The following CDH23 variants were observed in gnomAD, a reference collection of about 807,000 sequenced individuals.
CDH23 encodes cadherin-23.
A neutral mutation model predicts 317.1 loss-of-function variants in CDH23; 189 were observed. The ratio of observed to expected loss-of-function variants is 0.60; its 90% CI spans 0.53 to 0.67. The LOEUF (loss-of-function observed/expected upper bound fraction) is 0.67. Ranked by LOEUF, CDH23 falls within the 30% of genes least tolerant of loss-of-function variation. The pLI is 0.00. For missense variants in CDH23, 4,401 were observed against 4,592.4 expected, an observed-to-expected ratio of 0.96 and a Z score of 1.20; for synonymous variants, 1,839 against 1,876.8, an observed-to-expected ratio of 0.98 and a Z score of 0.52.
At chr10:71,782,019 A>G (rs1363490399) in intron 41 of CDH23, among the ~76,000 whole-genome samples, 3 of 152,202 alleles carry the variant, frequency 2.0e-5, no homozygotes, top group Admixed American at 6.5e-5. Context: ...GCACCACTGC[A>G]TGGAGGGACG....
chr10:71,758,588 G>C (rs750353475), intron 38 of CDH23, among the ~76,000 whole-genome samples: 3 of 152,242 alleles, frequency 2.0e-5, no homozygotes, highest in Non-Finnish European at 4.4e-5. Flanking sequence ...AAGAAGGTGA[G>C]TATGCAGAGC....
At chr10:71,796,964 AC>A (rs1486772978) in intron 48 of CDH23, 139 bp from the exon 49 acceptor site, 18 of 619,496 alleles carry the variant, frequency 2.9e-5, no homozygotes, top group African/African-American at 2.7e-4. Context: ...CTGTGGGCCC[AC>A]CCCAGCCACA....
chr10:71,805,910 G>C lies in CDH23; in HGVS notation c.7977G>C (p.Arg2659=), dbSNP rs764799502. Residue 2659 remains arginine (R), a synonymous_variant, in exon 56 of 70, where the codon CGG becomes CGC. Coordinates refer to ENST00000224721, the MANE Select transcript of CDH23 (RefSeq NM_022124.6). ...RYSFLKTAGN[R]DWEFFIIDPI... is the part of the protein sequence containing the mutation. Reference sequence around the variant, plus strand: ...GCTTCCTGAAGACTGCGGGCAACCGGGACTGGGAGTTCTTCATCATCGACC... The same window carrying C: ...GCTTCCTGAAGACTGCGGGCAACCGCGACTGGGAGTTCTTCATCATCGACC... 6.2e-7 allele frequency: 1 copy of C among 1,613,586 alleles called. No homozygotes were observed. Among genetic ancestry groups the C allele is most frequent in the African/African-American group, 1.3e-5 (1 of 74,934 alleles).
At chr10:71,511,044 C>T (rs1853947812) in intron 5 of CDH23, 43 bp downstream of exon 5, 2 of 1,611,502 alleles carry the variant, frequency 1.2e-6, no homozygotes, top group Admixed American at 1.7e-5. Context: ...CCTGGGGTCA[C>T]AGGATTTCTG....
At chr10:71,631,477 A>G (rs1053426550) in intron 11 of CDH23, among the ~76,000 whole-genome samples, 1 of 152,226 alleles carries the variant, frequency 6.6e-6, no homozygotes, top group African/African-American at 2.4e-5. Context: ...TGGAGTGTGC[A>G]GGAACAGAGG....
chr10:71,404,694 C>A (rs868671376), intron 1 of CDH23, among the ~76,000 whole-genome samples: 11 of 152,332 alleles, frequency 7.2e-5, no homozygotes, highest in Middle Eastern at 3.4e-3. Context: ...TCTTTCAGAC[C>A]CCAGCAGCCC....
chr10:71,722,333 A>G (rs1866596273), intron 28 of CDH23, among the ~76,000 whole-genome samples: 1 of 152,232 alleles, frequency 6.6e-6, no homozygotes, highest in South Asian at 2.1e-4. Flanking sequence ...CAATACTGGG[A>G]TACCCTACAG....
rs761093079 is a variant in CDH23 at position 71,702,699 on chromosome 10, GTC to G, written c.2733+9_2733+10del. 1 of 1,613,542 alleles carries G rather than the reference GTC, an allele frequency of 6.2e-7. No individual in the cohort carries two copies. The highest frequency in any genetic ancestry group is 2.2e-5 in the East Asian group (1 of 44,872). On this transcript the variant is annotated splice_donor_region_variant and intron_variant, in intron 24 of 69. Transcript: ENST00000224721. ...GCGGGGGTCTCCATCTACCAAGTGAGTCTCTATCATCTCATTCCTACCAGCCC... is the reference window on the plus strand; with the variant it reads ...GCGGGGGTCTCCATCTACCAAGTGAGTCTATCATCTCATTCCTACCAGCCC...
At chr10:71,746,621 G>A (rs1373368382) in intron 38 of CDH23, among the ~76,000 whole-genome samples, 2 of 152,204 alleles carry the variant, frequency 1.3e-5, no homozygotes, top group Non-Finnish European at 2.9e-5. Context: ...GGAAGAGCTG[G>A]GCCCAGGGAG....
intron 3 of CDH23, among the ~76,000 whole-genome samples, chr10:71,509,705 T>C (rs1853844544): frequency 6.6e-6 from 1 of 152,236 alleles, no homozygotes; most frequent in South Asian, 2.1e-4. Context: ...CGCTGACTTA[T>C]ATGCTCATCT....
intron 3 of CDH23, among the ~76,000 whole-genome samples, chr10:71,482,544 T>A (rs533556223): frequency 6.6e-6 from 1 of 152,246 alleles, no homozygotes; most frequent in East Asian, 1.9e-4. Context: ...CCCATAGGAA[T>A]GGGAGAGGCT....
chr10:71,700,406 C>G (rs1236825184), intron 22 of CDH23, among the ~76,000 whole-genome samples: 1 of 152,162 alleles, frequency 6.6e-6, no homozygotes, highest in Non-Finnish European at 1.5e-5. Flanking sequence ...AAAATTCTCC[C>G]TTTTCAAACT....
In CDH23 at chr10:71,802,073, C is replaced by T. The variant is rs554642473; in HGVS notation, c.7483-825C>T. Reference sequence around the variant, plus strand: ...CTGTAATCCCAGCACTTTGGGAGGCCGAGGCGGGGGGATCACCTGAGGTTA... The same window carrying T: ...CTGTAATCCCAGCACTTTGGGAGGCTGAGGCGGGGGGATCACCTGAGGTTA... On this transcript the variant is annotated intron_variant, in intron 53 of 69. Transcript: ENST00000224721. 5.9e-5 allele frequency among the ~76,000 whole-genome samples: 9 copies of T among 152,200 alleles called. No homozygotes were observed. In the South Asian group the frequency reaches 1.5e-3, roughly 25 times the overall value.
At chr10:71,444,669 C>T (rs1305230963) in intron 2 of CDH23, among the ~76,000 whole-genome samples, 1 of 152,210 alleles carries the variant, frequency 6.6e-6, no homozygotes, top group Admixed American at 6.5e-5. Context: ...AGAGGCCAGT[C>T]TCCCAGCTCT....
intron 9 of CDH23, among the ~76,000 whole-genome samples, chr10:71,593,069 G>A (rs1859605306): frequency 6.6e-6 from 1 of 152,274 alleles, no homozygotes; most frequent in Non-Finnish European, 1.5e-5. Flanking sequence ...CGGTACAGGA[G>A]AGGGTGGTGG....
At chr10:71,697,407 G>A (rs1006470794) in intron 22 of CDH23, among the ~76,000 whole-genome samples, 3 of 152,208 alleles carry the variant, frequency 2.0e-5, no homozygotes, top group Admixed American at 6.5e-5. Context: ...AGTGGCTCAC[G>A]CCTGTAATCT....
chr10:71,540,901 T>A (rs926876771), intron 6 of CDH23, among the ~76,000 whole-genome samples: 1 of 151,934 alleles, frequency 6.6e-6, no homozygotes, highest in Non-Finnish European at 1.5e-5. Flanking sequence ...TTTGGGTGAA[T>A]GGGTCTCTCT....
chr10:71,577,013 G>A (rs1858255019), intron 8 of CDH23, among the ~76,000 whole-genome samples: 1 of 152,060 alleles, frequency 6.6e-6, no homozygotes. Context: ...TTCTCTCCCT[G>A]GCAAACTCCT....
At chr10:71,583,370 G>C (rs957903868) in intron 9 of CDH23, among the ~76,000 whole-genome samples, 1 of 152,104 alleles carries the variant, frequency 6.6e-6, no homozygotes, top group Non-Finnish European at 1.5e-5. Flanking sequence ...GCCACCTGGG[G>C]GGTCTTGGGA....
Sources: gnomAD v4.1 joint callset for allele counts (sites outside exome capture counted in the v4.1 genomes callset) on GRCh38, gnomAD v4.1.1 for gene constraint, MANE v1.5 for transcripts, NCBI Gene and HGNC (gene_info 2026-07-23, HGNC 2026-07-21) for gene names.